Variants in APOB observed in about 807,000 individuals in gnomAD.
APOB encodes the protein apolipoprotein B-100.
APOB carries 153 observed loss-of-function variants against 314.1 expected under a neutral mutation model. That is an observed-to-expected ratio of 0.49 (90% CI 0.43 to 0.56). The LOEUF (loss-of-function observed/expected upper bound fraction) is 0.56. APOB is among the 20% of genes least tolerant of loss of function. The pLI is 0.00. For synonymous variants in APOB, 2,087 were observed against 2,036.4 expected (o/e 1.02, Z -0.67); for missense variants, 5,430 against 5,350.7 (o/e 1.01, Z -0.46).
In APOB at chr2:21,035,644, C is replaced by T; in HGVS notation, c.758G>A (p.Arg253Lys). 1 of 1,614,130 alleles carries T rather than the reference C, an allele frequency of 6.2e-7. No individual in the cohort carries two copies. The highest frequency in any genetic ancestry group is 8.5e-7 in the Non-Finnish European group (1 of 1,180,036). Residue 253 changes from arginine to lysine, a missense_variant, in exon 7 of 29, where the codon AGG (arginine) becomes AAG (lysine). By Grantham distance (26) the Arg-to-Lys change is conservative. Transcript: ENST00000233242. ...GCAGATGGCTTCTGCCACATGCTTC[C>T]TCTTAGCGTCCAGTGTGTACTGACA... The part of the protein sequence containing the change: ...QSCQYTLDAK[R>K]KHVAEAICKE...
chr2:21,019,190 G>T, intron 19 of APOB, 77 bp from the exon 20 acceptor site: 2 of 1,573,590 alleles, frequency 1.3e-6, no homozygotes, highest in South Asian at 1.1e-5. Flanking sequence ...AAACAATTCA[G>T]CCTCAAATGC....
rs1085307523 is a variant in APOB, at chr2:21,009,907, C to T, written c.6961G>A (p.Val2321Ile). The T allele has an allele frequency of 6.2e-7, 1 of 1,613,972 alleles. No individual in the cohort carries two copies. Among genetic ancestry groups the T allele is most frequent in the Non-Finnish European group, 8.5e-7 (1 of 1,179,926 alleles). ...TCAAAATCCCCAATAAGATTTATAA[C>T]AAAGTGTTTGACATGCTCAAGAATG... ...NDILEHVKHF[V>I]INLIGDFEVA... Residue 2321 changes from valine to isoleucine, a missense_variant, in exon 26 of 29, where the codon GTT becomes ATT. Around this residue, in one of 3 missense-constraint regions of APOB, gnomAD observed 3,281 missense variants for 3,171.0 expected, o/e 1.03. Coordinates refer to ENST00000233242, the MANE Select transcript of APOB (RefSeq NM_000384.3).
Position 21,016,516 on chromosome 2 carries a change from C to T in APOB, c.3255G>A (p.Glu1085=). ...GGGTGAGTCTGTAAGACGTTTTGCC[C>T]TCAGTAGATTCATCATTAACTCTGA... is the stretch of plus-strand genomic sequence containing the variant. ...TILRVNDEST[E]GKTSYRLTLD... The change falls in exon 21 of 29, where the codon GAG becomes GAA. Residue 1085 remains glutamate (E), a synonymous_variant. Coordinates refer to ENST00000233242, the MANE Select transcript of APOB (RefSeq NM_000384.3). 2.5e-6 allele frequency: 4 copies of T among 1,610,378 alleles called. No individual in the cohort carries two copies. Among genetic ancestry groups the T allele is most frequent in the Non-Finnish European group, 3.4e-6 (4 of 1,176,614 alleles).
rs774799606 is a variant in APOB at position 21,005,625 on chromosome 2, G to A, written c.11243C>T (p.Thr3748Met). 7.4e-6 allele frequency: 12 copies of A among 1,613,790 alleles called. No individual in the cohort carries two copies. Among genetic ancestry groups the A allele is most frequent in the African/African-American group, 4.0e-5 (3 of 74,898 alleles). ...NDLNSVLVMP[T>M]FHVPFTDLQV... ...AAGATCTGTAAATGGGACATGGAACGTAGGCATGACAAGAACTGAATTTAG... is the reference window on the plus strand; with the variant it reads ...AAGATCTGTAAATGGGACATGGAACATAGGCATGACAAGAACTGAATTTAG... Residue 3748 changes from threonine (T) to methionine (M), a missense_variant, in exon 26 of 29, where the codon ACG (threonine) becomes ATG (methionine). This residue lies in a region of APOB where 3,281 missense variants were observed against 3,171.0 expected (regional missense o/e 1.03). Coordinates refer to ENST00000233242, the MANE Select transcript of APOB (RefSeq NM_000384.3).
rs749057660 is a variant in APOB at position 21,010,764 on chromosome 2, T to C, written c.6104A>G (p.Asn2035Ser). 1 of 1,614,172 alleles carries C rather than the reference T, an allele frequency of 6.2e-7. No homozygotes were observed. The highest frequency in any genetic ancestry group is 1.3e-5 in the African/African-American group (1 of 75,050). The change falls in exon 26 of 29, where the codon AAT (asparagine) becomes AGT (serine). Residue 2035 changes from asparagine (N) to serine (S), a missense_variant. Coordinates refer to ENST00000233242, the MANE Select transcript of APOB (RefSeq NM_000384.3). ...TCTCATCTCTAAAGCATCAATGATA[T>C]TGATGGGCTCACTGAGTAAAAGTGG... ...KVPLLLSEPINIIDALEMRDA... is the reference protein window; with the variant it reads ...KVPLLLSEPISIIDALEMRDA...
chr2:21,043,813 C>A (rs979658374), intron 1 of APOB, 51 bp downstream of exon 1: 5 of 1,531,222 alleles, frequency 3.3e-6, no homozygotes, highest in Admixed American at 3.9e-5. Context: ...AACCTCGTGC[C>A]GCCGGCTCCC....
At chr2:21,016,991 A>T (rs927192128) in intron 20 of APOB, among the ~76,000 whole-genome samples, 1 of 81,324 alleles carries the variant, frequency 1.2e-5, no homozygotes, top group Non-Finnish European at 2.6e-5. Flanking sequence ...CTCAAAAAAT[A>T]AATAAATAAA....
At position 21,033,502 on chromosome 2, in the gene APOB, G is replaced by T. The variant is rs748674098; in HGVS notation, c.921C>A (p.Gly307=). The T allele has an allele frequency of 2.5e-6, 4 of 1,614,000 alleles. No homozygotes were observed. The Admixed American group carries it at 6.7e-5, about 27-fold the overall frequency. The change falls in exon 9 of 29, where the codon GGC becomes GGA. Residue 307 remains glycine (G), a synonymous_variant. Transcript: ENST00000233242. ...TGGATTTGGTGCTCTCAAATGCGAG[G>T]CCCATCTTCTTAGTACCTGGAAGAT... is the stretch of plus-strand genomic sequence containing the variant. ...RFFGEGTKKM[G]LAFESTKSTS...
rs886055577 is a variant in APOB at position 21,005,327 on chromosome 2, G to A, written c.11541C>T (p.Ile3847=). Residue 3847 remains isoleucine (I), a synonymous_variant, in exon 26 of 29, where the codon ATC becomes ATT. Transcript: ENST00000233242. ...TGATGGTGGGCAACTCAAAGTCTGC[G>A]ATCTTGTTGGCTACTGCATTTAGAT... ...ALDLNAVANK[I]ADFELPTIIV... 7 of 1,614,060 alleles carry A rather than the reference G, an allele frequency of 4.3e-6. No individual in the cohort carries two copies. The highest frequency in any genetic ancestry group is 4.5e-5 in the East Asian group (2 of 44,876).
intron 8 of APOB, 83 bp from the exon 9 acceptor site, chr2:21,033,601 A>C: frequency 8.5e-7 from 1 of 1,179,706 alleles, no homozygotes; most frequent in African/African-American, 1.5e-5. Context: ...GAAATTGTGG[A>C]GTATCAGCAC....
chr2:21,025,706 AAC>A (rs1346786555), intron 15 of APOB, among the ~76,000 whole-genome samples: 1 of 152,232 alleles, frequency 6.6e-6, no homozygotes, highest in Non-Finnish European at 1.5e-5. Flanking sequence ...GCTCGTGCTC[AAC>A]AGTGAGCCTG....
Position 21,011,382 on chromosome 2 carries a change from C to T in APOB, c.5486G>A (p.Gly1829Glu), listed in dbSNP as rs751733436. 3.7e-6 allele frequency: 6 copies of T among 1,614,058 alleles called. No homozygotes were observed. The highest frequency in any genetic ancestry group is 1.1e-5 in the South Asian group (1 of 91,072). Residue 1829 changes from glycine (G) to glutamate (E), a missense_variant, in exon 26 of 29, where the codon GGA becomes GAA. Physicochemically the swap from Gly to Glu is moderately conservative, Grantham distance 98 (BLOSUM62 -2). Transcript: ENST00000233242. Reference sequence around the variant, plus strand: ...TTTTATTTCATTATTTTGGTAGGCTCCTTTTAGGTTACCAGCCACATGCAG... The same window carrying T: ...TTTTATTTCATTATTTTGGTAGGCTTCTTTTAGGTTACCAGCCACATGCAG... ...LKLHVAGNLK[G>E]AYQNNEIKHI... is the part of the protein sequence containing the mutation.
At chr2:21,021,396 A>G (rs918787972) in intron 18 of APOB, among the ~76,000 whole-genome samples, 13 of 152,138 alleles carry the variant, frequency 8.5e-5, no homozygotes, top group Non-Finnish European at 1.5e-4. Context: ...GAGATGTCCA[A>G]TGGTCTCTTC....
intron 14 of APOB, 34 bp downstream of exon 14, chr2:21,027,794 A>C: frequency 6.6e-7 from 1 of 1,524,592 alleles, no homozygotes; most frequent in Non-Finnish European, 9.1e-7. Context: ...GCTGTACAAA[A>C]TGGGCTAGAG....
chr2:21,040,829 G>T, intron 4 of APOB, 109 bp downstream of exon 4: 1 of 1,251,198 alleles, frequency 8.0e-7, no homozygotes, highest in Non-Finnish European at 1.1e-6. Context: ...ATCCACGATG[G>T]ATACGGAATA....
Position 21,012,626 on chromosome 2 carries a change from G to C in APOB, c.4242C>G (p.His1414Gln). The change falls in exon 26 of 29, where the codon CAC becomes CAG. Residue 1414 changes from histidine (H) to glutamine (Q), a missense_variant. Physicochemically the swap from His to Gln is conservative, Grantham distance 24 (BLOSUM62 0). Coordinates refer to ENST00000233242, the MANE Select transcript of APOB (RefSeq NM_000384.3). ...VQGSGETTYDHKNTFTLSCDG... is the reference protein window; with the variant it reads ...VQGSGETTYDQKNTFTLSCDG... Reference sequence around the variant, plus strand: ...CACATGATAGTGTGAACGTATTCTTGTGGTCATATGTTGTTTCTCCAGATC... The same window carrying C: ...CACATGATAGTGTGAACGTATTCTTCTGGTCATATGTTGTTTCTCCAGATC... 1 of 1,612,798 alleles carries C rather than the reference G, an allele frequency of 6.2e-7. No individual in the cohort carries two copies. The highest frequency in any genetic ancestry group is 8.5e-7 in the Non-Finnish European group (1 of 1,179,572).
At position 21,012,436 on chromosome 2, in the gene APOB, G is replaced by A; in HGVS notation, c.4432C>T (p.His1478Tyr). ...ATCTTGACTTCTTTGACAAACAAATGCTGTTTCTTTTTGGAGTCCAAATGA... is the reference window on the plus strand; with the variant it reads ...ATCTTGACTTCTTTGACAAACAAATACTGTTTCTTTTTGGAGTCCAAATGA... ...SVHLDSKKKQ[H>Y]LFVKEVKIDG... The change falls in exon 26 of 29, where the codon CAT becomes TAT. Residue 1478 changes from histidine (H) to tyrosine (Y), a missense_variant. This residue lies in a region of APOB where 2,085 missense variants were observed against 2,079.7 expected (regional missense o/e 1.00). Coordinates refer to ENST00000233242, the MANE Select transcript of APOB (RefSeq NM_000384.3). The A allele has an allele frequency of 6.2e-7, 1 of 1,614,160 alleles. No individual in the cohort carries two copies. The highest frequency in any genetic ancestry group is 8.5e-7 in the Non-Finnish European group (1 of 1,180,000).
chr2:21,019,245 C>T (rs1040534349), intron 19 of APOB, 132 bp from the exon 20 acceptor site: 30 of 1,201,492 alleles, frequency 2.5e-5, no homozygotes, highest in Middle Eastern at 2.7e-4. Context: ...TTGCCCTTAA[C>T]TAAGATGATC....
chr2:21,043,891 GCAGCAGCGCAGGCAGCGCCAGCAGCGC>G lies in APOB; in HGVS notation c.28_54del (p.Ala10_Leu18del). On this transcript the variant is annotated inframe_deletion, in exon 1 of 29. Coordinates refer to ENST00000233242, the MANE Select transcript of APOB (RefSeq NM_000384.3). ...GCCCTGGCGCCCGCCAGCAGCAGCAGCAGCAGCGCAGGCAGCGCCAGCAGCGCCAGCAGCGCGGGCCTCGGCGGGTCC... is the reference window on the plus strand; with the variant it reads ...GCCCTGGCGCCCGCCAGCAGCAGCAGCAGCAGCGCGGGCCTCGGCGGGTCC... 1 of 1,467,536 alleles carries G rather than the reference GCAGCAGCGCAGGCAGCGCCAGCAGCGC, an allele frequency of 6.8e-7. No individual in the cohort carries two copies. Among genetic ancestry groups the G allele is most frequent in the Non-Finnish European group, 9.0e-7 (1 of 1,115,642 alleles). 90.9% of individuals were successfully genotyped at this position (1,467,536 alleles called of 1,614,324 possible).
Sources: allele counts gnomAD v4.1 joint callset (sites outside exome capture counted in the v4.1 genomes callset), GRCh38; gene constraint gnomAD v4.1.1; regional missense constraint gnomAD v4.1.1; transcripts MANE v1.5; gene names NCBI Gene and HGNC (gene_info 2026-07-23, HGNC 2026-07-21).